Variants in FAM76B observed in about 807,000 individuals in gnomAD.
FAM76B encodes protein FAM76B.
A neutral mutation model predicts 51.8 loss-of-function variants in FAM76B; 16 were observed. The ratio of observed to expected loss-of-function variants is 0.31; its 90% confidence interval spans 0.21 to 0.47. FAM76B has a LOEUF of 0.47. Ranked by LOEUF, FAM76B falls within the 20% of genes least tolerant of loss-of-function variation. The pLI, the probability that FAM76B is intolerant of heterozygous loss-of-function variation, is 1.00. For synonymous variants in FAM76B, 166 were observed against 129.5 expected (o/e 1.28, Z -1.91); for missense variants, 342 against 392.6 (o/e 0.87, Z 1.09).
intron 9 of FAM76B, among the ~76,000 whole-genome samples, chr11:95,775,187 G>A (rs1228785721): frequency 6.6e-6 from 1 of 151,432 alleles, no homozygotes; most frequent in East Asian, 1.9e-4. Context: ...AAGAGAACAT[G>A]TAATTAATTT....
chr11:95,776,533 T>C lies in FAM76B; in HGVS notation c.829-510A>G, dbSNP rs1384126542. Among the ~76,000 whole-genome samples, 10 of 151,506 alleles carry C rather than the reference T, an allele frequency of 6.6e-5. No individual in the cohort carries two copies. In the South Asian group the frequency reaches 1.5e-3, roughly 22 times the overall value. On this transcript the variant is annotated intron_variant, in intron 8 of 9. Coordinates refer to ENST00000358780, the MANE Select transcript of FAM76B (RefSeq NM_144664.5). ...TTTTTAATTTATGTCCAGGATTATG[T>C]ACACAATACCACCTAACACTTGAGG...
chr11:95,786,473 A>C (rs1454478237), intron 3 of FAM76B, 199 bp from the exon 4 acceptor site: 6 of 510,144 alleles, frequency 1.2e-5, no homozygotes, highest in Non-Finnish European at 2.1e-5. Flanking sequence ...ATTTCTAGTC[A>C]TGTAACTATT....
At chr11:95,787,378 C>G (rs1274013372) in intron 3 of FAM76B, among the ~76,000 whole-genome samples, 1 of 152,068 alleles carries the variant, frequency 6.6e-6, no homozygotes, top group Non-Finnish European at 1.5e-5. Flanking sequence ...GGACTACAGG[C>G]GCCCACCACC....
chr11:95,787,572 T>C (rs1860670993), intron 3 of FAM76B, 52 bp downstream of exon 3: 1 of 1,558,682 alleles, frequency 6.4e-7, no homozygotes, highest in Non-Finnish European at 8.8e-7. Flanking sequence ...GGTCCAGCTT[T>C]ATGAAAAATA....
At chr11:95,786,319 T>C (rs766819685) in intron 3 of FAM76B, 45 bp from the exon 4 acceptor site, 5 of 1,606,534 alleles carry the variant, frequency 3.1e-6, no homozygotes, top group Admixed American at 3.4e-5. Flanking sequence ...CATTAAATAT[T>C]TGCGGCATAG....
At chr11:95,787,701 A>G (rs371980011) in intron 2 of FAM76B, 23 bp from the exon 3 acceptor site, 2 of 1,566,100 alleles carry the variant, frequency 1.3e-6, no homozygotes, top group Non-Finnish European at 8.7e-7. Context: ...TTGTATATAG[A>G]TCATGTTTAT....
Position 95,789,505 on chromosome 11 carries a change from G to A in FAM76B, c.-27C>T, listed in dbSNP as rs763023812. On this transcript the variant is annotated 5_prime_UTR_variant, in exon 1 of 10. Transcript: ENST00000358780. Reference sequence around the variant, plus strand: ...CTGCTCCTCAGTCTCCTCCTCCGCCGCCGCCCGCTCCGAGGCGGGGCCCTA... The same window carrying A: ...CTGCTCCTCAGTCTCCTCCTCCGCCACCGCCCGCTCCGAGGCGGGGCCCTA... The A allele has an allele frequency of 1.5e-5, 24 of 1,570,574 alleles. No homozygotes were observed. The highest frequency in any genetic ancestry group is 1.3e-4 in the South Asian group (11 of 86,302).
Position 95,778,993 on chromosome 11 carries a change from T to G in FAM76B, c.693-36A>C, listed in dbSNP as rs779857395. ...AAAAGTAAAACACAGTTAAATGAAG[T>G]AGAAGGAAAATTAGCAGGTGTTCAA... On this transcript the variant is annotated intron_variant, in intron 7 of 9. Coordinates refer to ENST00000358780, the MANE Select transcript of FAM76B (RefSeq NM_144664.5). The G allele has an allele frequency of 1.9e-6, 3 of 1,603,152 alleles. No homozygotes were observed. In the African/African-American group the frequency reaches 4.0e-5, roughly 22 times the overall value.
At chr11:95,772,541 T>C (rs1180318403) in intron 9 of FAM76B, among the ~76,000 whole-genome samples, 1 of 151,162 alleles carries the variant, frequency 6.6e-6, no homozygotes, top group African/African-American at 2.4e-5. Context: ...TTTTGTAGTT[T>C]GAGCCAAAAT....
chr11:95,774,910 C>T (rs966334439), intron 9 of FAM76B, among the ~76,000 whole-genome samples: 2 of 150,862 alleles, frequency 1.3e-5, no homozygotes, highest in African/African-American at 4.9e-5. Context: ...GAGCAAGTTC[C>T]TAAATCCTAC....
intron 9 of FAM76B, among the ~76,000 whole-genome samples, chr11:95,774,888 T>C (rs1285035252): frequency 6.6e-6 from 1 of 151,218 alleles, no homozygotes; most frequent in African/African-American, 2.4e-5. Flanking sequence ...AGATAATCTG[T>C]ACCTCGAATT....
At position 95,783,151 on chromosome 11, in the gene FAM76B, T is replaced by C. The variant is rs541944472; in HGVS notation, c.477A>G (p.Ser159=). ...GATGCTGGTCTTTCTCAGTAAGAGA[T>C]GAAGAAGATGAATTTGAATGTGAAG... The part of the protein sequence containing the change: ...LGSSHSNSSS[S]SLTEKDQHHP... Residue 159 remains serine (S), a synonymous_variant, in exon 5 of 10, where the codon TCA becomes TCG. Transcript: ENST00000358780. 16 of 1,613,524 alleles carry C rather than the reference T, an allele frequency of 9.9e-6. No homozygotes were observed. The highest frequency in any genetic ancestry group is 1.3e-5 in the Non-Finnish European group (15 of 1,179,592).
intron 4 of FAM76B, among the ~76,000 whole-genome samples, chr11:95,784,822 T>C (rs775519298): frequency 3.9e-5 from 6 of 151,916 alleles, no homozygotes; most frequent in Admixed American, 6.6e-5. Context: ...CTCCTAACCT[T>C]ATGATCCACC....
Position 95,789,551 on chromosome 11 carries a change from G to A in FAM76B, c.-73C>T, listed in dbSNP as rs1438201157. ...CCCTACGGAGAACCCGAGAGCCGCC[G>A]CCGCCCGGGCCGCGGGCTCCTCCTC... On this transcript the variant is annotated 5_prime_UTR_variant, in exon 1 of 10. Transcript: ENST00000358780. The A allele has an allele frequency of 2.2e-6, 3 of 1,381,048 alleles. No individual in the cohort carries two copies. The highest frequency in any genetic ancestry group is 1.3e-5 in the South Asian group (1 of 77,306). 85.5% of individuals were successfully genotyped at this position (1,381,048 alleles called of 1,614,324 possible).
chr11:95,786,963 A>G (rs1860628026), intron 3 of FAM76B, among the ~76,000 whole-genome samples: 1 of 152,180 alleles, frequency 6.6e-6, no homozygotes. Context: ...AATATCTTTA[A>G]TTGCGCTGTT....
intron 9 of FAM76B, among the ~76,000 whole-genome samples, chr11:95,774,095 A>T (rs183581648): frequency 1.3e-4 from 20 of 151,498 alleles, no homozygotes; most frequent in Admixed American, 7.9e-4. Context: ...AACACAAAAA[A>T]ATCAGGGAAG....
chr11:95,781,776 CAGA>C (rs1250606340), intron 5 of FAM76B, among the ~76,000 whole-genome samples: 1 of 152,082 alleles, frequency 6.6e-6, no homozygotes, highest in Non-Finnish European at 1.5e-5. Flanking sequence ...TCAAAACAGC[CAGA>C]AGAGAAGACA....
chr11:95,782,897 C>T (rs1860350626), intron 5 of FAM76B, among the ~76,000 whole-genome samples, 168 bp downstream of exon 5: 1 of 152,158 alleles, frequency 6.6e-6, no homozygotes, highest in South Asian at 2.1e-4. Context: ...ATGTATATAA[C>T]ATTCTACACT....
At chr11:95,777,463 C>T (rs185257420) in intron 8 of FAM76B, among the ~76,000 whole-genome samples, 1 of 151,324 alleles carries the variant, frequency 6.6e-6, no homozygotes, top group African/African-American at 2.4e-5. Context: ...GTTTTGAAAT[C>T]ATTGCTATTT....
Sources: allele counts gnomAD v4.1 joint callset (sites outside exome capture counted in the v4.1 genomes callset), GRCh38; gene constraint gnomAD v4.1.1; transcripts MANE v1.5; gene names NCBI Gene and HGNC (gene_info 2026-07-23, HGNC 2026-07-21).